DOCK3: variants seen among roughly 807,000 people sequenced by gnomAD.
DOCK3 encodes dedicator of cytokinesis protein 3.
In DOCK3, 60 loss-of-function variants were observed where a neutral mutation model predicts 265.6. That is an observed-to-expected ratio of 0.23 (90% CI 0.18 to 0.28). DOCK3 has a LOEUF of 0.28. Among genes scored for constraint, DOCK3 ranks in the 10% least tolerant of loss-of-function variants. DOCK3 has a pLI of 1.00. For missense variants in DOCK3, 1,981 were observed against 2,594.3 expected (o/e 0.76, Z 5.14); for synonymous variants, 881 against 938.0 (o/e 0.94, Z 1.11).
chr3:51,234,872 G>C (rs140077918), intron 19 of DOCK3, among the ~76,000 whole-genome samples: 2 of 152,196 alleles, frequency 1.3e-5, no homozygotes, highest in African/African-American at 2.4e-5. Flanking sequence ...CTTCCTGGTG[G>C]TGAAAGCCCA....
intron 5 of DOCK3, among the ~76,000 whole-genome samples, chr3:50,968,980 A>G (rs1346057529): frequency 6.6e-6 from 1 of 152,152 alleles, no homozygotes; most frequent in Non-Finnish European, 1.5e-5. Context: ...TGTTCTATGC[A>G]TGTCTGTTAG....
intron 3 of DOCK3, chr3:50,877,211 C>A: frequency 3.2e-6 from 1 of 309,096 alleles, no homozygotes; most frequent in East Asian, 8.3e-5. Flanking sequence ...TTCTTTCTCC[C>A]TCTGAGCTCT....
chr3:51,263,805 A>T (rs2080000738), intron 23 of DOCK3, among the ~76,000 whole-genome samples: 1 of 152,190 alleles, frequency 6.6e-6, no homozygotes, highest in Non-Finnish European at 1.5e-5. Flanking sequence ...AAACCAACAA[A>T]GATCATAAAA....
At chr3:51,203,625 A>G (rs1214923692) in intron 12 of DOCK3, among the ~76,000 whole-genome samples, 1 of 152,218 alleles carries the variant, frequency 6.6e-6, no homozygotes, top group East Asian at 1.9e-4. Context: ...ATCCCCATCA[A>G]GCTACCAATG....
intron 27 of DOCK3, among the ~76,000 whole-genome samples, chr3:51,282,328 A>T (rs2081167551): frequency 1.1e-5 from 1 of 94,150 alleles, no homozygotes. Flanking sequence ...CTCATCACAA[A>T]TAGTGACATC....
intron 5 of DOCK3, among the ~76,000 whole-genome samples, chr3:51,052,368 G>A (rs2081025353): frequency 6.6e-6 from 1 of 152,082 alleles, no homozygotes; most frequent in Admixed American, 6.6e-5. Context: ...AGCTGGGCAT[G>A]GTGCACCTAT....
At chr3:50,985,735 A>G (rs914524311) in intron 5 of DOCK3, among the ~76,000 whole-genome samples, 22 of 152,218 alleles carry the variant, frequency 1.4e-4, no homozygotes, top group Admixed American at 9.2e-4. Context: ...AGAGACCTCT[A>G]TCATGTCTTA....
chr3:50,994,639 A>G (rs1266614226), intron 5 of DOCK3, among the ~76,000 whole-genome samples: 1 of 152,220 alleles, frequency 6.6e-6, no homozygotes, highest in Non-Finnish European at 1.5e-5. Flanking sequence ...CTGGATATTC[A>G]GGTGAAGATA....
At chr3:50,738,610 G>C (rs186866910) in intron 1 of DOCK3, among the ~76,000 whole-genome samples, 27 of 152,270 alleles carry the variant, frequency 1.8e-4, no homozygotes, top group Admixed American at 7.8e-4. Context: ...GGTTATAAAG[G>C]AAAAAGAGGG....
At chr3:50,688,011 A>G (rs931802174) in intron 1 of DOCK3, among the ~76,000 whole-genome samples, 4 of 152,170 alleles carry the variant, frequency 2.6e-5, no homozygotes, top group East Asian at 1.9e-4. Context: ...TTGTACCTCA[A>G]TATCTTCTGC....
At chr3:51,162,181 A>G (rs1468419646) in intron 12 of DOCK3, among the ~76,000 whole-genome samples, 1 of 152,140 alleles carries the variant, frequency 6.6e-6, no homozygotes, top group Non-Finnish European at 1.5e-5. Context: ...ACTTCCAATC[A>G]CCATGTTAAT....
chr3:51,056,372 C>T (rs1172485026), intron 5 of DOCK3, among the ~76,000 whole-genome samples: 1 of 152,168 alleles, frequency 6.6e-6, no homozygotes, highest in Non-Finnish European at 1.5e-5. Flanking sequence ...CCTCTGCCTC[C>T]CGAGTAACTG....
At chr3:50,927,899 C>G (rs1246984937) in intron 4 of DOCK3, among the ~76,000 whole-genome samples, 1 of 152,060 alleles carries the variant, frequency 6.6e-6, no homozygotes, top group African/African-American at 2.4e-5. Flanking sequence ...CCGTTTACTT[C>G]TTTTGAGATT....
chr3:50,917,915 C>G (rs984083441), intron 4 of DOCK3, among the ~76,000 whole-genome samples: 4 of 152,046 alleles, frequency 2.6e-5, no homozygotes, highest in Non-Finnish European at 5.9e-5. Context: ...CTCCCTCCCC[C>G]AACCCCATGA....
At chr3:51,232,348 A>G (rs1478315229) in intron 19 of DOCK3, among the ~76,000 whole-genome samples, 1 of 152,168 alleles carries the variant, frequency 6.6e-6, no homozygotes, top group Non-Finnish European at 1.5e-5. Flanking sequence ...ATGTGCGTGT[A>G]TCTTTTTCAT....
Position 51,090,242 on chromosome 3 carries a change from C to G in DOCK3, c.604C>G (p.Arg202Gly). 1 of 1,587,252 alleles carries G rather than the reference C, an allele frequency of 6.3e-7. No homozygotes were observed. Among genetic ancestry groups the G allele is most frequent in the South Asian group, 1.2e-5 (1 of 86,820 alleles). Residue 202 changes from arginine to glycine, a missense_variant, in exon 9 of 53, where the codon CGC becomes GGC. Transcript: ENST00000266037. ...QQSTSQVDTM[R>G]PRHGETCRMP... ...TCTTCCTCATTAGGTAGATACAATG[C>G]GCCCACGTCATGGGGAAACATGTCG... is the stretch of plus-strand genomic sequence containing the variant.
At chr3:50,922,575 G>C (rs987911278) in intron 4 of DOCK3, among the ~76,000 whole-genome samples, 1 of 152,108 alleles carries the variant, frequency 6.6e-6, no homozygotes, top group Non-Finnish European at 1.5e-5. Flanking sequence ...AGATGAACCC[G>C]GTACCTCAAT....
chr3:50,894,658 T>G (rs193285239), intron 4 of DOCK3, among the ~76,000 whole-genome samples: 1 of 152,250 alleles, frequency 6.6e-6, no homozygotes, highest in African/African-American at 2.4e-5. Flanking sequence ...CTACAAAAAC[T>G]TGTTAGTAGA....
intron 24 of DOCK3, among the ~76,000 whole-genome samples, chr3:51,273,696 A>G (rs2080642719): frequency 6.6e-6 from 1 of 152,204 alleles, no homozygotes; most frequent in Non-Finnish European, 1.5e-5. Context: ...CTTATATGTC[A>G]TGTACTTTGT....
Sources: gnomAD v4.1 joint callset for allele counts (sites outside exome capture counted in the v4.1 genomes callset) on GRCh38, gnomAD v4.1.1 for gene constraint, MANE v1.5 for transcripts, NCBI Gene and HGNC (gene_info 2026-07-23, HGNC 2026-07-21) for gene names.